The following AGPS variants were observed in gnomAD, a reference collection of about 807,000 sequenced individuals.
The protein encoded by AGPS is alkyldihydroxyacetonephosphate synthase, peroxisomal.
A neutral mutation model predicts 90.7 loss-of-function variants in AGPS; 26 were observed. The ratio of observed to expected loss-of-function variants is 0.29; its 90% CI spans 0.21 to 0.40. AGPS has a LOEUF of 0.40. Among genes scored for constraint, AGPS ranks in the 10% least tolerant of loss-of-function variants. The pLI is 1.00. For missense variants in AGPS, 540 were observed against 816.1 expected (o/e 0.66, Z 4.12); for synonymous variants, 294 against 285.3 (o/e 1.03, Z -0.31).
intron 11 of AGPS, among the ~76,000 whole-genome samples, chr2:177,487,214 A>T (rs552397684): frequency 1.3e-5 from 2 of 152,232 alleles, no homozygotes; most frequent in Admixed American, 6.5e-5. Context: ...TTTTCAATAA[A>T]AACTTAGGAG....
Position 177,531,921 on chromosome 2 carries a change from C to T in AGPS, c.1856-6153C>T, listed in dbSNP as rs919253907. Among the ~76,000 whole-genome samples the T allele has an allele frequency of 2.1e-5, 3 of 145,854 alleles. No homozygotes were observed. In the South Asian group the frequency reaches 6.5e-4, roughly 32 times the overall value. On this transcript the variant is annotated intron_variant, in intron 19 of 19. Coordinates refer to ENST00000264167, the MANE Select transcript of AGPS (RefSeq NM_003659.4). ...AGCTTTTTCAACAAATAGTACTGGG[C>T]GGAGGGGGCGGGGGGAAGAACTCTG... is the stretch of plus-strand genomic sequence containing the variant.
rs768559686 is a variant in AGPS at position 177,523,745 on chromosome 2, C to T, written c.1798-3C>T. ...CAATTTGTTGTGTTGTTTCCAAATA[C>T]AGGCAGCTGCTAGAGAAGAAATCCT... On this transcript the variant is annotated splice_region_variant and splice_polypyrimidine_tract_variant and intron_variant, in intron 18 of 19. Transcript: ENST00000264167. 2.5e-6 allele frequency: 4 copies of T among 1,613,672 alleles called. 1 individual carries two copies. The South Asian group carries it at 3.3e-5, about 13-fold the overall frequency.
intron 13 of AGPS, among the ~76,000 whole-genome samples, chr2:177,498,428 T>C (rs1688470951): frequency 6.6e-6 from 1 of 151,622 alleles, no homozygotes; most frequent in Non-Finnish European, 1.5e-5. Context: ...TTGTCATAAA[T>C]GTTGTAAGTA....
chr2:177,408,652 G>A (rs958400497), intron 1 of AGPS, among the ~76,000 whole-genome samples: 4 of 152,002 alleles, frequency 2.6e-5, no homozygotes, highest in Admixed American at 1.3e-4. Flanking sequence ...GTTTTCTTGC[G>A]GAATTCTACT....
Position 177,542,787 on chromosome 2 carries a change from T to C in AGPS, c.*4592T>C, listed in dbSNP as rs116782842. On this transcript the variant is annotated 3_prime_UTR_variant, in exon 20 of 20. Coordinates refer to ENST00000264167, the MANE Select transcript of AGPS (RefSeq NM_003659.4). Reference sequence around the variant, plus strand: ...ATACTGGCATACAAGTTTCTATAAGTAGTTATTTTTTGAGCTACTTATACT... The same window carrying C: ...ATACTGGCATACAAGTTTCTATAAGCAGTTATTTTTTGAGCTACTTATACT... The C allele has an allele frequency of 9.2e-5, 14 of 152,228 alleles. No individual in the cohort carries two copies. Among genetic ancestry groups the C allele is most frequent in the African/African-American group, 3.1e-4 (13 of 41,524 alleles). 9.4% of individuals were successfully genotyped at this position (152,228 alleles called of 1,614,324 possible). A position where few individuals can be genotyped will look rare whatever the true frequency, so the allele number is the denominator to read the frequency against.
chr2:177,527,179 A>G (rs536285826), intron 19 of AGPS, among the ~76,000 whole-genome samples: 59 of 151,986 alleles, frequency 3.9e-4, no homozygotes, highest in Admixed American at 1.9e-3. Flanking sequence ...TGTAATCCCA[A>G]CACTTTGGGA....
chr2:177,477,272 T>C (rs1014079163), intron 10 of AGPS, among the ~76,000 whole-genome samples: 3 of 152,132 alleles, frequency 2.0e-5, no homozygotes, highest in African/African-American at 7.2e-5. Context: ...AATGTAGCAT[T>C]TTAATTGCCT....
chr2:177,415,825 CTT>C (rs1013115833), intron 1 of AGPS, among the ~76,000 whole-genome samples: 1 of 148,860 alleles, frequency 6.7e-6, no homozygotes, highest in Admixed American at 6.7e-5. Context: ...TTCAGTTGTC[CTT>C]TTTTTTTTCT....
At chr2:177,523,610 C>A in intron 18 of AGPS, 138 bp from the exon 19 acceptor site, 1 of 738,398 alleles carries the variant, frequency 1.4e-6, no homozygotes, top group South Asian at 1.6e-5. Context: ...CACATTTGAC[C>A]AAAAGAGAGG....
Position 177,540,375 on chromosome 2 carries a change from G to T in AGPS, c.*2180G>T, listed in dbSNP as rs992439366. ...GATTTTATAATGGTGACTGCATTTT[G>T]TAGGTGGAATCATTTCTACCGAAAT... On this transcript the variant is annotated 3_prime_UTR_variant, in exon 20 of 20. Coordinates refer to ENST00000264167, the MANE Select transcript of AGPS (RefSeq NM_003659.4). 1.3e-5 allele frequency: 2 copies of T among 151,830 alleles called. No homozygotes were observed. The highest frequency in any genetic ancestry group is 1.3e-4 in the Admixed American group (2 of 15,204). The allele number at this position is 151,830 out of a possible 1,614,324, so 9.4% of individuals were successfully genotyped here. A position where few individuals can be genotyped will look rare whatever the true frequency, so the allele number is the denominator to read the frequency against.
chr2:177,461,993 A>G lies in AGPS; in HGVS notation c.971A>G (p.Asn324Ser), dbSNP rs1417635719. Residue 324 changes from asparagine (N) to serine (S), a missense_variant, in exon 9 of 20, where the codon AAT becomes AGT. Physicochemically the swap from Asn to Ser is conservative, Grantham distance 46 (BLOSUM62 1). Around this residue, in one of 2 missense-constraint regions of AGPS, gnomAD observed 405 missense variants for 692.1 expected, o/e 0.59. Coordinates refer to ENST00000264167, the MANE Select transcript of AGPS (RefSeq NM_003659.4). ...ACTCGCGCATCAGGCATGAAGAAGAATATCTATGGCAATATCGAGGACCTG... is the reference window on the plus strand; with the variant it reads ...ACTCGCGCATCAGGCATGAAGAAGAGTATCTATGGCAATATCGAGGACCTG... ...VSTRASGMKK[N>S]IYGNIEDLVV... 6.2e-7 allele frequency: 1 copy of G among 1,611,548 alleles called. No individual in the cohort carries two copies. Among genetic ancestry groups the G allele is most frequent in the Non-Finnish European group, 8.5e-7 (1 of 1,178,498 alleles).
chr2:177,508,035 A>G lies in AGPS; in HGVS notation c.1607+4A>G. ...AGACTTCTGCTCCTTGGGACAGGTA[A>G]AATATACTAAAGTGCCTGATATTAT... On this transcript the variant is annotated splice_donor_region_variant and intron_variant, in intron 16 of 19. Transcript: ENST00000264167. 6.2e-7 allele frequency: 1 copy of G among 1,603,822 alleles called. No individual in the cohort carries two copies. Among genetic ancestry groups the G allele is most frequent in the Non-Finnish European group, 8.5e-7 (1 of 1,170,798 alleles).
chr2:177,399,335 T>G (rs1331849449), intron 1 of AGPS, among the ~76,000 whole-genome samples: 1 of 152,160 alleles, frequency 6.6e-6, no homozygotes, highest in Non-Finnish European at 1.5e-5. Context: ...ATGACTAGAG[T>G]CTACCGTTGT....
chr2:177,492,881 T>G (rs1231132607), intron 11 of AGPS, among the ~76,000 whole-genome samples: 2 of 150,146 alleles, frequency 1.3e-5, no homozygotes, highest in Non-Finnish European at 3.0e-5. Context: ...ATTAGGCAGC[T>G]TTTTCTGCTG....
intron 10 of AGPS, among the ~76,000 whole-genome samples, chr2:177,479,302 A>G (rs1225405798): frequency 6.6e-6 from 1 of 152,182 alleles, no homozygotes; most frequent in African/African-American, 2.4e-5. Flanking sequence ...CCGGAGCTAC[A>G]GGGGAGCACT....
chr2:177,435,889 A>G (rs1320236223), intron 3 of AGPS, among the ~76,000 whole-genome samples: 1 of 152,144 alleles, frequency 6.6e-6, no homozygotes, highest in Non-Finnish European at 1.5e-5. Flanking sequence ...TAGTAGCACT[A>G]TGGTGACAAT....
At position 177,445,660 on chromosome 2, in the gene AGPS, A is replaced by G. The variant is rs745504899; in HGVS notation, c.870+34A>G. 5.7e-6 allele frequency: 8 copies of G among 1,408,656 alleles called. No homozygotes were observed. In the East Asian group the frequency reaches 2.0e-4, roughly 35 times the overall value. The allele number at this position is 1,408,656 out of a possible 1,614,324, so 87.3% of individuals were successfully genotyped here. A position where few individuals can be genotyped will look rare whatever the true frequency, so the allele number is the denominator to read the frequency against. ...TTTATTTTTCTTATTTTTTTAAATTAACTTATTCTAATATCAATTCTGATG... is the reference window on the plus strand; with the variant it reads ...TTTATTTTTCTTATTTTTTTAAATTGACTTATTCTAATATCAATTCTGATG... On this transcript the variant is annotated intron_variant, in intron 8 of 19. Transcript: ENST00000264167.
intron 9 of AGPS, among the ~76,000 whole-genome samples, chr2:177,466,939 A>G (rs6719114): frequency 0.87 from 131,922 of 152,150 alleles, 57,408 homozygotes; most frequent in East Asian, 0.98. Flanking sequence ...GGATGCCTGG[A>G]TCCAGAGCCA....
chr2:177,516,312 C>T lies in AGPS; in HGVS notation c.1697+2404C>T, dbSNP rs182670047. Reference sequence around the variant, plus strand: ...ATTCCAGTCCAAACTTTTCTGAAGACGTTATATGGGAAGTAATTGCTAGTC... The same window carrying T: ...ATTCCAGTCCAAACTTTTCTGAAGATGTTATATGGGAAGTAATTGCTAGTC... On this transcript the variant is annotated intron_variant, in intron 17 of 19. Transcript: ENST00000264167. 3.9e-3 allele frequency among the ~76,000 whole-genome samples: 600 copies of T among 152,032 alleles called. 3 individuals carry two copies. Among genetic ancestry groups the T allele is most frequent in the Middle Eastern group, 6.8e-3 (2 of 294 alleles).
Sources: allele counts gnomAD v4.1 joint callset (sites outside exome capture counted in the v4.1 genomes callset), GRCh38; gene constraint gnomAD v4.1.1; regional missense constraint gnomAD v4.1.1; transcripts MANE v1.5; gene names NCBI Gene and HGNC (gene_info 2026-07-23, HGNC 2026-07-21).